Variants in USP34 observed in about 807,000 individuals in gnomAD.
USP34 encodes ubiquitin carboxyl-terminal hydrolase 34.
USP34 carries 70 observed loss-of-function variants against 460.3 expected under a neutral mutation model. That is an observed-to-expected ratio of 0.15 (90% CI 0.13 to 0.19). The LOEUF (loss-of-function observed/expected upper bound fraction) is 0.19. Ranked by LOEUF, USP34 falls within the 10% of genes least tolerant of loss-of-function variation. The probability of loss-of-function intolerance (pLI) is 1.00; values close to 1 mark genes in which losing one functional copy is unlikely to be tolerated. For synonymous variants in USP34, 1,647 were observed against 1,405.3 expected (o/e 1.17, Z -3.85); for missense variants, 3,985 against 4,236.2 (o/e 0.94, Z 1.65).
intron 37 of USP34, among the ~76,000 whole-genome samples, chr2:61,282,807 A>G (rs1455962847): frequency 6.6e-6 from 1 of 152,146 alleles, no homozygotes; most frequent in African/African-American, 2.4e-5. Flanking sequence ...AAAGAAAGAA[A>G]AAAAAAAGGC....
chr2:61,372,714 A>T (rs1692665821), intron 8 of USP34, among the ~76,000 whole-genome samples: 1 of 152,198 alleles, frequency 6.6e-6, no homozygotes, highest in African/African-American at 2.4e-5. Flanking sequence ...CTGTCTCAAA[A>T]ATTTAAAGGG....
rs1558511397 is a variant in USP34 at position 61,288,763 on chromosome 2, T to C, written c.4663A>G (p.Ser1555Gly). The change falls in exon 34 of 80, where the codon AGC (serine) becomes GGC (glycine). Residue 1555 changes from serine (S) to glycine (G), a missense_variant. Transcript: ENST00000398571. Reference sequence around the variant, plus strand: ...CCAGGCCAGGTTCTTTTCCTATGGCTTTCCGCTATACCAGACCAGGCAAAG... The same window carrying C: ...CCAGGCCAGGTTCTTTTCCTATGGCCTTCCGCTATACCAGACCAGGCAAAG... ...DVFAWSGIAE[S>G]HRKRTWPGKS... The C allele has an allele frequency of 6.2e-7, 1 of 1,614,102 alleles. No homozygotes were observed. The highest frequency in any genetic ancestry group is 8.5e-7 in the Non-Finnish European group (1 of 1,179,970).
intron 3 of USP34, among the ~76,000 whole-genome samples, chr2:61,400,769 T>A (rs139483577): frequency 1.3e-5 from 2 of 152,202 alleles, no homozygotes; most frequent in Non-Finnish European, 2.9e-5. Context: ...AAGGGTTACT[T>A]GAGTCCAGGA....
chr2:61,358,338 A>C (rs1455819971), intron 10 of USP34, among the ~76,000 whole-genome samples: 1 of 152,112 alleles, frequency 6.6e-6, no homozygotes, highest in African/African-American at 2.4e-5. Context: ...TCAAAGCTGC[A>C]ATGAAAATGA....
At chr2:61,307,996 C>T (rs1022611479) in intron 27 of USP34, among the ~76,000 whole-genome samples, 2 of 152,038 alleles carry the variant, frequency 1.3e-5, no homozygotes, top group Non-Finnish European at 2.9e-5. Context: ...CTGTGGTGAA[C>T]TGTGATTATG....
intron 1 of USP34, among the ~76,000 whole-genome samples, chr2:61,465,981 AAAAAT>A (rs796378595): frequency 3.7e-4 from 57 of 152,200 alleles, no homozygotes; most frequent in African/African-American, 1.1e-3. Flanking sequence ...TGTCTCAAAA[AAAAAT>A]AAAATAAAAT....
At chr2:61,339,932 A>C (rs1691538590) in intron 16 of USP34, among the ~76,000 whole-genome samples, 1 of 152,018 alleles carries the variant, frequency 6.6e-6, no homozygotes. Context: ...CAGCCTCCCT[A>C]AGTGTTGGGA....
rs1188697739 is a variant in USP34, at chr2:61,220,393, A to T, written c.7964T>A (p.Leu2655Gln). 1 of 1,614,076 alleles carries T rather than the reference A, an allele frequency of 6.2e-7. No homozygotes were observed. Among genetic ancestry groups the T allele is most frequent in the African/African-American group, 1.3e-5 (1 of 75,050 alleles). ...WLAVQTPRNK[L>Q]AHSWVLQNME... ...ATTCTGTAAGACCCAGCTGTGTGCC[A>T]GTTTATTTCGGGGTGTCTGCACTGC... The change falls in exon 67 of 80, where the codon CTG (leucine) becomes CAG (glutamine). Residue 2655 changes from leucine to glutamine, a missense_variant. This residue lies in a region of USP34 where 604 missense variants were observed against 684.8 expected (regional missense o/e 0.88). Coordinates refer to ENST00000398571, the MANE Select transcript of USP34 (RefSeq NM_014709.4).
chr2:61,394,717 G>A lies in USP34; in HGVS notation c.753+136C>T, dbSNP rs797020066. On this transcript the variant is annotated intron_variant, in intron 5 of 79. Coordinates refer to ENST00000398571, the MANE Select transcript of USP34 (RefSeq NM_014709.4). ...TAATAAAGATCGTTAAAACGTTTCT[G>A]TACTCATTTTGTCAAAATAAAAAAA... 14 of 561,070 alleles carry A rather than the reference G, an allele frequency of 2.5e-5. No homozygotes were observed. In the African/African-American group the frequency reaches 2.7e-4, roughly 11 times the overall value. 34.8% of individuals were successfully genotyped at this position (561,070 alleles called of 1,614,324 possible).
chr2:61,390,876 C>A (rs922785272), intron 5 of USP34, among the ~76,000 whole-genome samples: 2 of 151,734 alleles, frequency 1.3e-5, no homozygotes, highest in South Asian at 2.1e-4. Flanking sequence ...GTGGGGGCAT[C>A]GCAAGGTCAA....
At chr2:61,328,558 C>G (rs1434898116) in intron 20 of USP34, among the ~76,000 whole-genome samples, 7 of 152,144 alleles carry the variant, frequency 4.6e-5, no homozygotes, top group Non-Finnish European at 8.8e-5. Flanking sequence ...GTCCAGACAA[C>G]ATCTCTCTGT....
chr2:61,363,392 C>T (rs779305171), intron 10 of USP34, among the ~76,000 whole-genome samples: 1 of 152,130 alleles, frequency 6.6e-6, no homozygotes, highest in Non-Finnish European at 1.5e-5. Context: ...GATAGGGATA[C>T]GTTCTGAGAA....
At chr2:61,368,292 C>G (rs949403367) in intron 10 of USP34, among the ~76,000 whole-genome samples, 1 of 152,112 alleles carries the variant, frequency 6.6e-6, no homozygotes, top group Non-Finnish European at 1.5e-5. Context: ...ATTAGCTGGG[C>G]GTGGTGGCGC....
intron 71 of USP34, 48 bp from the exon 72 acceptor site, chr2:61,206,172 C>T: frequency 1.3e-6 from 2 of 1,495,248 alleles, no homozygotes; most frequent in Non-Finnish European, 1.9e-6. Context: ...GATCAAACTT[C>T]CTCACAAATG....
intron 1 of USP34, among the ~76,000 whole-genome samples, chr2:61,445,673 T>A (rs1019392977): frequency 6.6e-6 from 1 of 150,806 alleles, no homozygotes; most frequent in South Asian, 2.1e-4. Context: ...AATAATGTCT[T>A]ACAGGCCAGG....
intron 72 of USP34, among the ~76,000 whole-genome samples, chr2:61,204,814 G>C (rs1352213898): frequency 2.6e-5 from 4 of 152,120 alleles, no homozygotes; most frequent in Admixed American, 2.6e-4. Flanking sequence ...GGAAACAAAA[G>C]ATTAAAACAC....
intron 5 of USP34, among the ~76,000 whole-genome samples, chr2:61,393,741 T>C (rs2103898685): frequency 6.6e-6 from 1 of 152,338 alleles, no homozygotes; most frequent in African/African-American, 2.4e-5. Context: ...AAGATTTCAG[T>C]GTTTGGTAAA....
At chr2:61,198,647 G>A (rs1208345939) in intron 75 of USP34, among the ~76,000 whole-genome samples, 1 of 151,830 alleles carries the variant, frequency 6.6e-6, no homozygotes. Flanking sequence ...GAGGCACACG[G>A]ATCACGAGGT....
At chr2:61,327,168 C>T (rs1691122384) in intron 20 of USP34, among the ~76,000 whole-genome samples, 1 of 152,140 alleles carries the variant, frequency 6.6e-6, no homozygotes, top group African/African-American at 2.4e-5. Flanking sequence ...CCCAAAATCG[C>T]ACTAAATTCA....
Sources: gnomAD v4.1 joint callset for allele counts (sites outside exome capture counted in the v4.1 genomes callset) on GRCh38, gnomAD v4.1.1 for gene constraint, gnomAD v4.1.1 regional missense constraint, MANE v1.5 for transcripts, NCBI Gene and HGNC (gene_info 2026-07-23, HGNC 2026-07-21) for gene names.